The following CACNB2 variants were observed in gnomAD, a reference collection of about 807,000 sequenced individuals.
CACNB2 encodes calcium voltage-gated channel auxiliary subunit beta 2.
Under a neutral mutation model 73.3 loss-of-function variants are expected in CACNB2, and 42 were observed. That is an observed-to-expected ratio of 0.57 (90% CI 0.45 to 0.74). CACNB2 has a LOEUF of 0.74. CACNB2 is among the 30% of genes least tolerant of loss of function. CACNB2 has a pLI of 0.00. For synonymous variants in CACNB2, 348 were observed against 310.3 expected, an observed-to-expected ratio of 1.12 and a Z score of -1.28; for missense variants, 940 against 853.0, an observed-to-expected ratio of 1.10 and a Z score of -1.27.
intron 3 of CACNB2, among the ~76,000 whole-genome samples, chr10:18,493,076 CTA>C (rs2049550851): frequency 6.6e-6 from 1 of 152,180 alleles, no homozygotes; most frequent in African/African-American, 2.4e-5. Context: ...AATTGAATAA[CTA>C]TTTGCATAGC....
intron 4 of CACNB2, among the ~76,000 whole-genome samples, chr10:18,499,428 C>A (rs144963887): frequency 1.3e-5 from 2 of 151,738 alleles, no homozygotes; most frequent in African/African-American, 4.8e-5. Context: ...CCATCCTGGC[C>A]AACATGGTGA....
chr10:18,244,959 A>G (rs763571669), intron 2 of CACNB2, among the ~76,000 whole-genome samples: 4 of 152,190 alleles, frequency 2.6e-5, no homozygotes, highest in Non-Finnish European at 5.9e-5. Context: ...TCAGAAGGAA[A>G]TTGCAGTTGC....
chr10:18,538,300 C>T lies in CACNB2; in HGVS notation c.1423C>T (p.Leu475Phe). ...TCCCAGCAGTAGCCTCCCCAACCCT[C>T]TCCTTAGCCGTACATTAGCCACTTC... is the stretch of plus-strand genomic sequence containing the variant. ...HPPSSSLPNP[L>F]LSRTLATSSL... The change falls in exon 13 of 14, where the codon CTC becomes TTC. Residue 475 changes from leucine (L) to phenylalanine (F), a missense_variant. Leu to Phe is a conservative substitution (Grantham distance 22). Transcript: ENST00000324631. 1 of 1,614,204 alleles carries T rather than the reference C, an allele frequency of 6.2e-7. No homozygotes were observed. The highest frequency in any genetic ancestry group is 2.2e-5 in the East Asian group (1 of 44,886).
intron 3 of CACNB2, among the ~76,000 whole-genome samples, chr10:18,439,160 G>C (rs948029596): frequency 7.2e-5 from 11 of 152,230 alleles, no homozygotes; most frequent in African/African-American, 1.2e-4. Flanking sequence ...GAAGTGGGAG[G>C]ATTGGGGGCT....
intron 2 of CACNB2, among the ~76,000 whole-genome samples, chr10:18,299,093 GAAAAAATA>G (rs1253864059): frequency 1.5e-5 from 2 of 135,000 alleles, no homozygotes; most frequent in Non-Finnish European, 3.2e-5. Flanking sequence ...AAAAATAAAA[GAAAAAATA>G]AAAAGAAAAA....
chr10:18,170,204 G>A (rs1016081549), intron 2 of CACNB2, among the ~76,000 whole-genome samples: 3 of 152,226 alleles, frequency 2.0e-5, no homozygotes, highest in Admixed American at 1.3e-4. Context: ...CTAAGAATGA[G>A]GAGGGGTGTT....
chr10:18,524,905 C>A (rs1269935578), intron 9 of CACNB2, among the ~76,000 whole-genome samples: 1 of 150,338 alleles, frequency 6.7e-6, no homozygotes, highest in Non-Finnish European at 1.5e-5. Flanking sequence ...TGGCATGCAC[C>A]TGTAGTCCCA....
At chr10:18,166,417 A>G (rs927657737) in intron 2 of CACNB2, among the ~76,000 whole-genome samples, 2 of 152,020 alleles carry the variant, frequency 1.3e-5, no homozygotes, top group Non-Finnish European at 2.9e-5. Context: ...CACCATGTCC[A>G]GCTAATTTTT....
intron 2 of CACNB2, among the ~76,000 whole-genome samples, chr10:18,169,680 C>A (rs975909874): frequency 1.3e-5 from 2 of 152,148 alleles, no homozygotes; most frequent in African/African-American, 4.8e-5. Context: ...GGAACTCATA[C>A]TTCTTGGGTC....
intron 1 of CACNB2, among the ~76,000 whole-genome samples, chr10:18,143,238 T>C (rs1271004696): frequency 1.3e-5 from 2 of 152,206 alleles, no homozygotes; most frequent in Non-Finnish European, 2.9e-5. Context: ...GAATATTCAC[T>C]TGGAAATGTT....
At position 18,498,026 on chromosome 10, in the gene CACNB2, C is replaced by A. The variant is rs147040410; in HGVS notation, c.334-329C>A. Among the ~76,000 whole-genome samples, 438 of 152,286 alleles carry A rather than the reference C, an allele frequency of 2.9e-3. 1 individual carries two copies. Among genetic ancestry groups the A allele is most frequent in the African/African-American group, 0.01 (424 of 41,568 alleles). ...AAACGGAAGAACTGGGGATTTTATT[C>A]ATGTTTGTGTTTCCTGATTTACAGT... On this transcript the variant is annotated intron_variant, in intron 3 of 13. Transcript: ENST00000324631.
chr10:18,181,065 G>GAAAAAA (rs34924301), intron 2 of CACNB2, among the ~76,000 whole-genome samples: 5,997 of 117,534 alleles, frequency 0.051, 200 homozygotes, highest in East Asian at 0.21. Context: ...AGCCAAAATA[G>GAAAAAA]AAAAAAAAAA....
chr10:18,236,944 G>T (rs1240318773), intron 2 of CACNB2, among the ~76,000 whole-genome samples: 1 of 152,204 alleles, frequency 6.6e-6, no homozygotes, highest in African/African-American at 2.4e-5. Context: ...GAATTAAACT[G>T]CAGAGAATTA....
At chr10:18,154,960 C>A (rs1199989051) in intron 2 of CACNB2, among the ~76,000 whole-genome samples, 1 of 152,162 alleles carries the variant, frequency 6.6e-6, no homozygotes, top group Non-Finnish European at 1.5e-5. Context: ...ATTGTTGAAA[C>A]CACCCTGTAG....
At chr10:18,419,812 C>G (rs1254546545) in intron 3 of CACNB2, among the ~76,000 whole-genome samples, 2 of 152,136 alleles carry the variant, frequency 1.3e-5, no homozygotes, top group Non-Finnish European at 2.9e-5. Flanking sequence ...GAATAGTGTA[C>G]TTTATTACAA....
chr10:18,532,411 C>T (rs181076193), intron 10 of CACNB2, among the ~76,000 whole-genome samples: 102 of 152,164 alleles, frequency 6.7e-4, no homozygotes, highest in African/African-American at 2.3e-3. Flanking sequence ...CAGTGGCTCA[C>T]GCCTGTAATG....
chr10:18,475,393 G>T (rs2048390222), intron 3 of CACNB2, among the ~76,000 whole-genome samples: 1 of 152,092 alleles, frequency 6.6e-6, no homozygotes, highest in South Asian at 2.1e-4. Context: ...CCATCCCAAG[G>T]CTCTCCAGGA....
chr10:18,165,253 C>T (rs1192991102), intron 2 of CACNB2, among the ~76,000 whole-genome samples: 2 of 152,178 alleles, frequency 1.3e-5, no homozygotes, highest in African/African-American at 4.8e-5. Flanking sequence ...TCCGAGAGCT[C>T]ATCCTGTGGA....
At chr10:18,177,523 G>C (rs1031106996) in intron 2 of CACNB2, among the ~76,000 whole-genome samples, 1 of 149,860 alleles carries the variant, frequency 6.7e-6, no homozygotes, top group Non-Finnish European at 1.5e-5. Context: ...CCCAGCTCTT[G>C]AGCTGAGATC....
Sources: gnomAD v4.1 joint callset for allele counts (sites outside exome capture counted in the v4.1 genomes callset) on GRCh38, gnomAD v4.1.1 for gene constraint, MANE v1.5 for transcripts, NCBI Gene and HGNC (gene_info 2026-07-23, HGNC 2026-07-21) for gene names.